ARFGEF1: variants seen among roughly 807,000 people sequenced by gnomAD.
ARFGEF1 encodes brefeldin A-inhibited guanine nucleotide-exchange protein 1.
A neutral mutation model predicts 231.0 loss-of-function variants in ARFGEF1; 42 were observed. The ratio of observed to expected loss-of-function variants is 0.18; its 90% CI spans 0.14 to 0.24. ARFGEF1 has a LOEUF of 0.24. ARFGEF1 is among the 10% of genes least tolerant of loss of function. The pLI, the probability that ARFGEF1 is intolerant of heterozygous loss-of-function variation, is 1.00. For missense variants in ARFGEF1, 1,345 were observed against 2,192.0 expected (o/e 0.61, Z 7.72); for synonymous variants, 710 against 732.3 (o/e 0.97, Z 0.49).
At position 67,201,587 on chromosome 8, in the gene ARFGEF1, T is replaced by C; in HGVS notation, c.5147A>G (p.Lys1716Arg). ...GGTCTCCTGCTTCAGAAGGTTGGGC[T>C]TGGATTTGCCTTTGAATCCTGCAGA... ...LWKAGFKGKS[K>R]PNLLKQETSS... is the part of the protein sequence containing the mutation. Residue 1716 changes from lysine (K) to arginine (R), a missense_variant, in exon 37 of 39, where the codon AAG becomes AGG. By Grantham distance (26) the Lys-to-Arg change is conservative (BLOSUM62 2). Around this residue, in one of 14 missense-constraint regions of ARFGEF1, gnomAD observed 161 missense variants for 284.9 expected, o/e 0.57. Transcript: ENST00000262215. 1 of 1,613,544 alleles carries C rather than the reference T, an allele frequency of 6.2e-7. No homozygotes were observed. The highest frequency in any genetic ancestry group is 1.1e-5 in the South Asian group (1 of 90,952).
At chr8:67,226,596 G>A (rs1008054723) in intron 27 of ARFGEF1, among the ~76,000 whole-genome samples, 7 of 152,014 alleles carry the variant, frequency 4.6e-5, no homozygotes, top group Non-Finnish European at 7.4e-5. Flanking sequence ...AAGCAAGCAC[G>A]CAATAAATGA....
At chr8:67,324,080 C>A (rs903264583) in intron 1 of ARFGEF1, among the ~76,000 whole-genome samples, 16 of 152,148 alleles carry the variant, frequency 1.1e-4, no homozygotes, top group African/African-American at 3.9e-4. Context: ...GGATTACAGG[C>A]GTGAGCCACC....
chr8:67,243,006 G>A (rs955589241), intron 19 of ARFGEF1, among the ~76,000 whole-genome samples: 6 of 152,202 alleles, frequency 3.9e-5, no homozygotes, highest in African/African-American at 1.4e-4. Context: ...CAGTAGAATT[G>A]AACACCAGGT....
chr8:67,192,449 G>C (rs1276692932), intron 5 of ARFGEF1, among the ~76,000 whole-genome samples: 3 of 152,132 alleles, frequency 2.0e-5, no homozygotes, highest in Non-Finnish European at 4.4e-5. Flanking sequence ...TACAAGTCTA[G>C]TTATCAATGT....
rs1186690825 is a variant in ARFGEF1, at chr8:67,343,729, G to A, written c.-442C>T. Reference sequence around the variant, plus strand: ...GGGGATTAGCACCCGCCGCGGCCGCGAACTGGCCCCCATCACCGCCGACCT... The same window carrying A: ...GGGGATTAGCACCCGCCGCGGCCGCAAACTGGCCCCCATCACCGCCGACCT... On this transcript the variant is annotated 5_prime_UTR_variant, in exon 1 of 39. Coordinates refer to ENST00000262215, the MANE Select transcript of ARFGEF1 (RefSeq NM_006421.5). The A allele has an allele frequency of 1.2e-5, 6 of 503,964 alleles. No individual in the cohort carries two copies. The highest frequency in any genetic ancestry group is 6.3e-5 in the African/African-American group (3 of 47,852). 31.2% of individuals were successfully genotyped at this position (503,964 alleles called of 1,614,324 possible). A position where few individuals can be genotyped will look rare whatever the true frequency, so the allele number is the denominator to read the frequency against.
At position 67,300,567 on chromosome 8, in the gene ARFGEF1, C is replaced by T. The variant is rs1421047150; in HGVS notation, c.312+657G>A. ...GGCACAGTGGCTCACGCCTGTAATC[C>T]CAGTACTTTGGGAGGCCAAGACGGG... On this transcript the variant is annotated intron_variant, in intron 3 of 38. Coordinates refer to ENST00000262215, the MANE Select transcript of ARFGEF1 (RefSeq NM_006421.5). Among the ~76,000 whole-genome samples the T allele has an allele frequency of 4.0e-5, 6 of 151,132 alleles. No homozygotes were observed. In the South Asian group the frequency reaches 6.3e-4, roughly 16 times the overall value.
chr8:67,334,235 A>G (rs1808238440), intron 1 of ARFGEF1, among the ~76,000 whole-genome samples: 1 of 151,304 alleles, frequency 6.6e-6, no homozygotes, highest in African/African-American at 2.4e-5. Flanking sequence ...TTAGACTTCA[A>G]TCTCATCCCC....
Position 67,296,486 on chromosome 8 carries a change from T to G in ARFGEF1, c.584A>C (p.Lys195Thr), listed in dbSNP as rs1231875440. Residue 195 changes from lysine to threonine, a missense_variant, in exon 5 of 39, where the codon AAA (lysine) becomes ACA (threonine). Coordinates refer to ENST00000262215, the MANE Select transcript of ARFGEF1 (RefSeq NM_006421.5). Reference sequence around the variant, plus strand: ...ATTTAGCATCTGAGTGAGAGTAGCTTTGGCTGTTGTCTGATTGATGAGATT... The same window carrying G: ...ATTTAGCATCTGAGTGAGAGTAGCTGTGGCTGTTGTCTGATTGATGAGATT... ...SKNLINQTTA[K>T]ATLTQMLNVI... 1 of 1,613,946 alleles carries G rather than the reference T, an allele frequency of 6.2e-7. No homozygotes were observed. The highest frequency in any genetic ancestry group is 1.3e-5 in the African/African-American group (1 of 74,920).
chr8:67,206,557 G>A (rs1380812531), intron 34 of ARFGEF1, among the ~76,000 whole-genome samples: 3 of 152,092 alleles, frequency 2.0e-5, no homozygotes, highest in Non-Finnish European at 4.4e-5. Context: ...TGTTCAACAG[G>A]GCGTTTCTGA....
intron 20 of ARFGEF1, 66 bp from the exon 21 acceptor site, chr8:67,238,959 A>C: frequency 1.6e-6 from 2 of 1,252,846 alleles, no homozygotes; most frequent in Non-Finnish European, 2.2e-6. Context: ...TTCCCCACCA[A>C]CAAACTCTGT....
chr8:67,245,078 A>G (rs778633684), intron 19 of ARFGEF1, among the ~76,000 whole-genome samples: 2 of 150,754 alleles, frequency 1.3e-5, no homozygotes, highest in African/African-American at 2.5e-5. Context: ...TGACATATTT[A>G]AAGTGCTTAT....
chr8:67,270,402 C>T (rs923983885), intron 10 of ARFGEF1, among the ~76,000 whole-genome samples: 1 of 152,092 alleles, frequency 6.6e-6, no homozygotes, highest in Non-Finnish European at 1.5e-5. Flanking sequence ...GATAATATGA[C>T]TATTTTAGCC....
chr8:67,176,414 A>C (rs1178805609), intron 5 of ARFGEF1, among the ~76,000 whole-genome samples: 1 of 152,210 alleles, frequency 6.6e-6, no homozygotes, highest in Non-Finnish European at 1.5e-5. Context: ...CCCAGATCAT[A>C]GGTCAAGACT....
intron 10 of ARFGEF1, among the ~76,000 whole-genome samples, chr8:67,271,030 AAAAAAAAAAAAAAGG>A (rs1805067506): frequency 6.9e-6 from 1 of 143,974 alleles, no homozygotes; most frequent in Non-Finnish European, 1.5e-5. Context: ...ATCTCCAAAA[AAAAAAAAAAAAAAGG>A]AAAAAGAAAA....
chr8:67,243,865 C>G (rs1174580441), intron 19 of ARFGEF1, among the ~76,000 whole-genome samples: 1 of 152,032 alleles, frequency 6.6e-6, no homozygotes, highest in Non-Finnish European at 1.5e-5. Flanking sequence ...TTCAAGGTAA[C>G]ACAGAAGAAA....
intron 6 of ARFGEF1, among the ~76,000 whole-genome samples, chr8:67,288,884 A>G (rs1400821384): frequency 6.6e-6 from 1 of 152,130 alleles, no homozygotes; most frequent in Non-Finnish European, 1.5e-5. Context: ...CATAATCTAC[A>G]TATCTAATGT....
chr8:67,217,388 CGAAATAT>C (rs1296038545), intron 32 of ARFGEF1, among the ~76,000 whole-genome samples: 1 of 149,838 alleles, frequency 6.7e-6, no homozygotes, highest in Non-Finnish European at 1.5e-5. Flanking sequence ...TTACGAAATA[CGAAATAT>C]AGTATGTGTA....
chr8:67,186,683 A>G (rs1029996433), intron 5 of ARFGEF1, among the ~76,000 whole-genome samples: 7 of 152,202 alleles, frequency 4.6e-5, no homozygotes, highest in Non-Finnish European at 8.8e-5. Context: ...TATTAGCAGT[A>G]AGGCAGAAAA....
chr8:67,218,543 T>C (rs1839037579), intron 30 of ARFGEF1, among the ~76,000 whole-genome samples: 1 of 151,906 alleles, frequency 6.6e-6, no homozygotes. Flanking sequence ...TTTGTCCAAA[T>C]GGGATTAGCA....
Sources: gnomAD v4.1 joint callset for allele counts (sites outside exome capture counted in the v4.1 genomes callset) on GRCh38, gnomAD v4.1.1 for gene constraint, gnomAD v4.1.1 regional missense constraint, MANE v1.5 for transcripts, NCBI Gene and HGNC (gene_info 2026-07-23, HGNC 2026-07-21) for gene names.